SLC24A2: variants seen among roughly 807,000 people sequenced by gnomAD.
The protein encoded by SLC24A2 is solute carrier family 24 member 2.
Under a neutral mutation model 62.0 loss-of-function variants are expected in SLC24A2, and 36 were observed. The ratio of observed to expected loss-of-function variants is 0.58; its 90% confidence interval spans 0.44 to 0.77. The LOEUF is 0.77. Ranked by LOEUF, SLC24A2 falls within the 30% of genes least tolerant of loss-of-function variation. The pLI is 0.00. For missense variants in SLC24A2, 846 were observed against 817.9 expected (o/e 1.03, Z -0.42); for synonymous variants, 358 against 294.0 (o/e 1.22, Z -2.23).
chr9:20,022,967 G>C, the SLC24A2 span, among the ~76,000 whole-genome samples: 1 of 152,172 alleles, frequency 6.6e-6, no homozygotes, highest in Non-Finnish European at 1.5e-5. Context: ...AGAAGGTGGG[G>C]ATCTGGAGCC....
At chr9:20,039,708 G>C in the SLC24A2 span, among the ~76,000 whole-genome samples, 389 of 152,174 alleles carry the variant, frequency 2.6e-3, 3 homozygotes, top group African/African-American at 8.9e-3. Flanking sequence ...GAAGAAAATG[G>C]GGATTCAGTT....
the SLC24A2 span, among the ~76,000 whole-genome samples, chr9:20,106,972 C>A: frequency 6.6e-6 from 1 of 152,176 alleles, no homozygotes; most frequent in East Asian, 1.9e-4. Context: ...CCAAAAATCT[C>A]CTTAAGCTGA....
the SLC24A2 span, among the ~76,000 whole-genome samples, chr9:20,201,092 C>G: frequency 6.6e-6 from 1 of 152,200 alleles, no homozygotes; most frequent in South Asian, 2.1e-4. Flanking sequence ...CTGTCTCCTT[C>G]AAGTACACAG....
the SLC24A2 span, among the ~76,000 whole-genome samples, chr9:20,305,910 C>T: frequency 6.6e-6 from 1 of 152,124 alleles, no homozygotes; most frequent in Non-Finnish European, 1.5e-5. Context: ...AGGCCTCTCT[C>T]CTTGACTTAT....
the SLC24A2 span, among the ~76,000 whole-genome samples, chr9:19,932,674 T>C: frequency 6.6e-6 from 1 of 152,208 alleles, no homozygotes; most frequent in Non-Finnish European, 1.5e-5. Context: ...GGTGCTGTCT[T>C]TAGTTTTCAA....
the SLC24A2 span, among the ~76,000 whole-genome samples, chr9:19,956,001 C>G: frequency 6.6e-6 from 1 of 152,172 alleles, no homozygotes; most frequent in Non-Finnish European, 1.5e-5. Flanking sequence ...ATGCATAAAA[C>G]AGAAGCATTT....
At chr9:19,642,068 A>G (rs559470515) in intron 2 of SLC24A2, among the ~76,000 whole-genome samples, 15 of 152,166 alleles carry the variant, frequency 9.9e-5, no homozygotes, top group African/African-American at 3.1e-4. Flanking sequence ...AGTGTGTGTG[A>G]GTAGGAGTGT....
chr9:19,889,419 T>C, the SLC24A2 span, among the ~76,000 whole-genome samples: 1 of 152,144 alleles, frequency 6.6e-6, no homozygotes, highest in African/African-American at 2.4e-5. Context: ...ATTGACTTTC[T>C]TGATACTCAT....
chr9:20,143,344 A>G, the SLC24A2 span, among the ~76,000 whole-genome samples: 1 of 152,214 alleles, frequency 6.6e-6, no homozygotes, highest in East Asian at 1.9e-4. Flanking sequence ...GAAGAAAAGG[A>G]AAACTGAACA....
At chr9:20,128,272 G>T in the SLC24A2 span, among the ~76,000 whole-genome samples, 1 of 152,100 alleles carries the variant, frequency 6.6e-6, no homozygotes, top group East Asian at 1.9e-4. Flanking sequence ...TGAATGGACT[G>T]GTGAGGGAAG....
At chr9:20,257,794 A>G in the SLC24A2 span, among the ~76,000 whole-genome samples, 1 of 152,332 alleles carries the variant, frequency 6.6e-6, no homozygotes, top group South Asian at 2.1e-4. Context: ...CAAACCCTCA[A>G]TAAATAATGG....
In SLC24A2 at chr9:19,622,433, G is replaced by A. The variant is rs192185943; in HGVS notation, c.931-134C>T. The A allele has an allele frequency of 2.2e-4, 183 of 835,212 alleles. 1 individual carries two copies. In the East Asian group the frequency reaches 4.9e-3, roughly 22 times the overall value. The allele number at this position is 835,212 out of a possible 1,614,324, so 51.7% of individuals were successfully genotyped here. ...TCTTTCTGCTCCTGGGATGAGTTAA[G>A]CCAAAACAGGGGACTAAGGATGTAT... On this transcript the variant is annotated intron_variant, in intron 2 of 10. Transcript: ENST00000341998.
chr9:19,619,156 C>A (rs1587046775), intron 4 of SLC24A2, among the ~76,000 whole-genome samples: 2 of 152,288 alleles, frequency 1.3e-5, no homozygotes, highest in East Asian at 3.9e-4. Flanking sequence ...ACTCCCCAAA[C>A]CACTCATGGA....
At chr9:20,141,126 G>C in the SLC24A2 span, among the ~76,000 whole-genome samples, 12 of 152,048 alleles carry the variant, frequency 7.9e-5, no homozygotes, top group South Asian at 2.1e-4. Flanking sequence ...TGTAAGCTTG[G>C]GCAAGTTTCC....
the SLC24A2 span, among the ~76,000 whole-genome samples, chr9:20,019,133 GAAAGAAA>G: frequency 9.5e-6 from 1 of 105,276 alleles, no homozygotes; most frequent in Non-Finnish European, 1.9e-5. Flanking sequence ...AAGAAAGAAA[GAAAGAAA>G]GAAAGAAAGA....
the SLC24A2 span, among the ~76,000 whole-genome samples, chr9:20,177,616 C>G: frequency 6.6e-6 from 1 of 151,944 alleles, no homozygotes; most frequent in South Asian, 2.1e-4. Context: ...CAAAGTGTAT[C>G]CTGGAGTAGC....
chr9:19,793,527 C>G (rs1823344294), upstream of SLC24A2, among the ~76,000 whole-genome samples: 1 of 152,224 alleles, frequency 6.6e-6, no homozygotes, highest in South Asian at 2.1e-4. Flanking sequence ...ATAACTACCA[C>G]AATGGGCATC....
At chr9:20,208,605 C>A in the SLC24A2 span, among the ~76,000 whole-genome samples, 1 of 152,186 alleles carries the variant, frequency 6.6e-6, no homozygotes, top group Non-Finnish European at 1.5e-5. Context: ...TACAGTAATA[C>A]AAATGTGGCA....
chr9:19,877,362 T>C, the SLC24A2 span, among the ~76,000 whole-genome samples: 4 of 140,750 alleles, frequency 2.8e-5, no homozygotes, highest in South Asian at 2.5e-4. Flanking sequence ...ATCTGTAGGC[T>C]AAACTATGGA....
Sources: gnomAD v4.1 joint callset for allele counts (sites outside exome capture counted in the v4.1 genomes callset) on GRCh38, gnomAD v4.1.1 for gene constraint, MANE v1.5 for transcripts, NCBI Gene and HGNC (gene_info 2026-07-23, HGNC 2026-07-21) for gene names.